OTUD7A: variants seen among roughly 807,000 people sequenced by gnomAD.
The protein encoded by OTUD7A is OTU domain-containing protein 7A.
A neutral mutation model predicts 65.7 loss-of-function variants in OTUD7A; 12 were observed. That is an observed-to-expected ratio of 0.18 (90% CI 0.12 to 0.30). The LOEUF is 0.30. Ranked by LOEUF, OTUD7A falls within the 10% of genes least tolerant of loss-of-function variation. The probability of loss-of-function intolerance (pLI) is 1.00; values close to 1 mark genes in which losing one functional copy is unlikely to be tolerated. For synonymous variants in OTUD7A, 641 were observed against 586.3 expected (o/e 1.09, Z -1.35); for missense variants, 1,148 against 1,304.8 (o/e 0.88, Z 1.85).
chr15:31,793,810 G>C (rs1057116173), intron 1 of OTUD7A, among the ~76,000 whole-genome samples: 2 of 152,124 alleles, frequency 1.3e-5, no homozygotes, highest in Admixed American at 1.3e-4. Flanking sequence ...ATACACTTTG[G>C]CCATTTTTCC....
At chr15:31,629,329 T>C (rs1708764106) in intron 3 of OTUD7A, among the ~76,000 whole-genome samples, 1 of 152,242 alleles carries the variant, frequency 6.6e-6, no homozygotes, top group Non-Finnish European at 1.5e-5. Context: ...TCAAAGGCCT[T>C]TTCTGCATCC....
chr15:31,536,047 G>T (rs1350140237), intron 5 of OTUD7A, among the ~76,000 whole-genome samples: 1 of 152,138 alleles, frequency 6.6e-6, no homozygotes, highest in Non-Finnish European at 1.5e-5. Context: ...AGCTTCAGGA[G>T]GATGTACTCC....
At chr15:31,759,734 G>C (rs1894911407) in intron 1 of OTUD7A, among the ~76,000 whole-genome samples, 1 of 152,038 alleles carries the variant, frequency 6.6e-6, no homozygotes, top group African/African-American at 2.4e-5. Context: ...TGCCATGTTG[G>C]CCAGGCTGGT....
intron 1 of OTUD7A, among the ~76,000 whole-genome samples, chr15:31,824,227 G>C (rs1896750037): frequency 6.6e-6 from 1 of 152,168 alleles, no homozygotes. Flanking sequence ...CTCCAGCTCA[G>C]CATCTGGGTC....
At position 31,478,300 on chromosome 15, in the gene OTUD7A, CT is replaced by C. The variant is rs771854012; in HGVS notation, c.*4993del. ...TGAATAAATTCAGCCTATATTTACT[CT>C]TAAAACCAAATGGTACTCTTCGCCT... On this transcript the variant is annotated 3_prime_UTR_variant, in exon 13 of 13. Coordinates refer to ENST00000307050, the MANE Select transcript of OTUD7A (RefSeq NM_001382637.1). 9 of 152,168 alleles carry C rather than the reference CT, an allele frequency of 5.9e-5. No homozygotes were observed. Among genetic ancestry groups the C allele is most frequent in the Non-Finnish European group, 1.3e-4 (9 of 68,038 alleles). 9.4% of individuals were successfully genotyped at this position (152,168 alleles called of 1,614,324 possible).
intron 5 of OTUD7A, among the ~76,000 whole-genome samples, chr15:31,546,070 T>C (rs1454814315): frequency 4.6e-5 from 7 of 152,216 alleles, no homozygotes; most frequent in Non-Finnish European, 1.5e-5. Flanking sequence ...CTAGAGATGA[T>C]TTAAAATATA....
At chr15:31,672,269 A>T (rs1278301275) in intron 1 of OTUD7A, among the ~76,000 whole-genome samples, 1 of 152,044 alleles carries the variant, frequency 6.6e-6, no homozygotes, top group Non-Finnish European at 1.5e-5. Context: ...GAGCTCTTTT[A>T]CACCTTCCTC....
intron 1 of OTUD7A, chr15:31,767,471 A>G (rs767668172): frequency 2.5e-5 from 19 of 773,040 alleles, no homozygotes; most frequent in Non-Finnish European, 4.6e-5. Flanking sequence ...ACTTCATGGC[A>G]GATAATACCC....
intron 10 of OTUD7A, among the ~76,000 whole-genome samples, chr15:31,493,874 A>G (rs1340312999): frequency 6.6e-6 from 1 of 152,264 alleles, no homozygotes; most frequent in African/African-American, 2.4e-5. Flanking sequence ...GGGAAAAGTT[A>G]TAGCATTAAA....
chr15:31,640,507 T>C (rs1891479468), intron 3 of OTUD7A, among the ~76,000 whole-genome samples: 1 of 152,220 alleles, frequency 6.6e-6, no homozygotes, highest in African/African-American at 2.4e-5. Context: ...CCATCCATTT[T>C]AAGGTAATTT....
At chr15:31,773,102 C>A (rs186260928) in intron 1 of OTUD7A, among the ~76,000 whole-genome samples, 40 of 152,274 alleles carry the variant, frequency 2.6e-4, no homozygotes, top group African/African-American at 8.9e-4. Context: ...ATTCTATAAA[C>A]ATTTAATGAA....
At chr15:31,719,979 A>G (rs1247955034) in intron 1 of OTUD7A, among the ~76,000 whole-genome samples, 1 of 152,196 alleles carries the variant, frequency 6.6e-6, no homozygotes, top group African/African-American at 2.4e-5. Context: ...TGGTGCTTCA[A>G]TATATATGAC....
At chr15:31,668,421 T>C (rs1248095017) in intron 1 of OTUD7A, among the ~76,000 whole-genome samples, 1 of 152,238 alleles carries the variant, frequency 6.6e-6, no homozygotes, top group Non-Finnish European at 1.5e-5. Context: ...TTCTTTCTTA[T>C]ACTTGTTCAA....
intron 1 of OTUD7A, among the ~76,000 whole-genome samples, chr15:31,751,314 A>C (rs1391273827): frequency 2.0e-5 from 3 of 152,208 alleles, no homozygotes; most frequent in Non-Finnish European, 4.4e-5. Flanking sequence ...CATATGAAAA[A>C]CTGCTCAACA....
At chr15:31,687,879 A>G (rs1169339895) in intron 1 of OTUD7A, among the ~76,000 whole-genome samples, 2 of 152,174 alleles carry the variant, frequency 1.3e-5, no homozygotes, top group Non-Finnish European at 2.9e-5. Flanking sequence ...AGGGCTTCAA[A>G]GTTTGCCCCA....
chr15:31,775,338 G>C lies in OTUD7A; in HGVS notation c.-100+95169C>G, dbSNP rs374701418. Among the ~76,000 whole-genome samples the C allele has an allele frequency of 7.2e-4, 110 of 152,288 alleles. 1 individual carries two copies. In the South Asian group the frequency reaches 0.022, roughly 30 times the overall value. On this transcript the variant is annotated intron_variant, in intron 1 of 12. Coordinates refer to ENST00000307050, the MANE Select transcript of OTUD7A (RefSeq NM_001382637.1). ...ATTCAACAAATAATTATGTAATGAG[G>C]ATTATTTTAGGTGCTCAGCACACAT...
intron 1 of OTUD7A, among the ~76,000 whole-genome samples, chr15:31,665,803 G>A (rs1397040567): frequency 2.0e-5 from 3 of 152,094 alleles, no homozygotes; most frequent in Admixed American, 6.5e-5. Context: ...TGTCACAGAT[G>A]GCTTTTATTA....
intron 1 of OTUD7A, among the ~76,000 whole-genome samples, chr15:31,797,834 G>A (rs898419597): frequency 1.1e-4 from 16 of 152,338 alleles, no homozygotes; most frequent in Admixed American, 3.9e-4. Context: ...GTTATGGAAC[G>A]TTGTATTAGT....
chr15:31,490,046 T>C (rs2041296256), intron 10 of OTUD7A, among the ~76,000 whole-genome samples: 1 of 152,206 alleles, frequency 6.6e-6, no homozygotes, highest in Non-Finnish European at 1.5e-5. Flanking sequence ...CTGCGGCCTG[T>C]GGTGAGGGCT....
Sources: gnomAD v4.1 joint callset for allele counts (sites outside exome capture counted in the v4.1 genomes callset) on GRCh38, gnomAD v4.1.1 for gene constraint, MANE v1.5 for transcripts, NCBI Gene and HGNC (gene_info 2026-07-23, HGNC 2026-07-21) for gene names.